The following C8orf34 variants were observed in gnomAD, a reference collection of about 807,000 sequenced individuals.
C8orf34 encodes the protein uncharacterized protein C8orf34.
C8orf34 carries 65 observed loss-of-function variants against 68.3 expected under a neutral mutation model. The observed-to-expected ratio is 0.95, with a 90% confidence interval of 0.78 to 1.17. The LOEUF (loss-of-function observed/expected upper bound fraction) is 1.17. C8orf34 is among the 50% of genes most tolerant of loss of function. C8orf34 has a pLI of 0.00. For missense variants in C8orf34, 664 were observed against 655.4 expected, an observed-to-expected ratio of 1.01 and a Z score of -0.14; for synonymous variants, 244 against 241.2, an observed-to-expected ratio of 1.01 and a Z score of -0.11.
At chr8:68,427,684 C>T (rs979176170) in intron 1 of C8orf34, among the ~76,000 whole-genome samples, 7 of 151,890 alleles carry the variant, frequency 4.6e-5, no homozygotes, top group South Asian at 2.1e-4. Context: ...CACACACACA[C>T]GAATGCATAT....
rs765846716 is a variant in C8orf34 at position 68,534,174 on chromosome 8, G to A, written c.1105+1025G>A. On this transcript the variant is annotated intron_variant, in intron 7 of 13. Transcript: ENST00000518698. Reference sequence around the variant, plus strand: ...CCTACAAAGGTGTTATTTGGTCAATGGTGACAGGTTTGAAAGATGTTTTCT... The same window carrying A: ...CCTACAAAGGTGTTATTTGGTCAATAGTGACAGGTTTGAAAGATGTTTTCT... 7.7e-4 allele frequency: 757 copies of A among 985,196 alleles called. 2 individuals carry two copies. Among genetic ancestry groups the A allele is most frequent in the Non-Finnish European group, 8.8e-4 (731 of 829,902 alleles). 61.0% of individuals were successfully genotyped at this position (985,196 alleles called of 1,614,324 possible).
chr8:68,425,561 T>A (rs1810172561), intron 1 of C8orf34, among the ~76,000 whole-genome samples: 3 of 152,142 alleles, frequency 2.0e-5, no homozygotes. Context: ...GTACCAGATC[T>A]TTACGATGAA....
intron 7 of C8orf34, among the ~76,000 whole-genome samples, chr8:68,556,883 C>CT (rs1260137864): frequency 6.6e-6 from 1 of 152,066 alleles, no homozygotes. Context: ...TATATACTCC[C>CT]TTTTTAAATT....
At chr8:68,543,427 G>A (rs1815764292) in intron 7 of C8orf34, among the ~76,000 whole-genome samples, 1 of 152,112 alleles carries the variant, frequency 6.6e-6, no homozygotes, top group South Asian at 2.1e-4. Flanking sequence ...TTAGTGATGT[G>A]CTTTCTAGAT....
At chr8:68,467,513 G>T (rs986174493) in intron 3 of C8orf34, among the ~76,000 whole-genome samples, 1 of 151,804 alleles carries the variant, frequency 6.6e-6, no homozygotes, top group South Asian at 2.1e-4. Flanking sequence ...TTGACTCATT[G>T]GTTTCTAGAC....
At chr8:68,527,502 G>A (rs1207449539) in intron 6 of C8orf34, among the ~76,000 whole-genome samples, 1 of 152,194 alleles carries the variant, frequency 6.6e-6, no homozygotes, top group Non-Finnish European at 1.5e-5. Context: ...AACCCGGGAG[G>A]TGGAGCTTGC....
At chr8:68,538,830 CT>C (rs1193918785) in intron 7 of C8orf34, among the ~76,000 whole-genome samples, 2 of 152,102 alleles carry the variant, frequency 1.3e-5, no homozygotes, top group Non-Finnish European at 2.9e-5. Context: ...AATTATTCTA[CT>C]GTCTTTCATT....
chr8:68,512,914 CT>C (rs58517612), intron 5 of C8orf34, among the ~76,000 whole-genome samples: 8,325 of 152,054 alleles, frequency 0.055, 247 homozygotes, highest in Middle Eastern at 0.12. Context: ...CAAGGTAAAA[CT>C]TGGTAAGTTG....
At chr8:68,486,560 G>A (rs1202433733) in intron 4 of C8orf34, among the ~76,000 whole-genome samples, 1 of 152,014 alleles carries the variant, frequency 6.6e-6, no homozygotes, top group Non-Finnish European at 1.5e-5. Context: ...ATCTACAAGG[G>A]GATCTACAAT....
chr8:68,488,582 T>C (rs1813176108), intron 5 of C8orf34, among the ~76,000 whole-genome samples: 1 of 152,084 alleles, frequency 6.6e-6, no homozygotes, highest in Non-Finnish European at 1.5e-5. Context: ...GCTAATGGAT[T>C]GGATGTGGGG....
chr8:68,523,038 C>G (rs931057857), intron 6 of C8orf34, among the ~76,000 whole-genome samples: 2 of 152,146 alleles, frequency 1.3e-5, no homozygotes, highest in African/African-American at 4.8e-5. Flanking sequence ...ATTCAGAATA[C>G]TCATTAATGT....
chr8:68,700,635 T>C (rs1820987311), intron 8 of C8orf34, among the ~76,000 whole-genome samples: 1 of 152,136 alleles, frequency 6.6e-6, no homozygotes, highest in Non-Finnish European at 1.5e-5. Context: ...CCTTGGTGTC[T>C]GGCTTCAGGA....
chr8:68,531,358 T>G (rs1815237567), intron 6 of C8orf34, among the ~76,000 whole-genome samples: 1 of 152,158 alleles, frequency 6.6e-6, no homozygotes, highest in African/African-American at 2.4e-5. Context: ...CTTTTTAGTC[T>G]TCTATAATCT....
chr8:68,358,228 G>T lies in C8orf34; in HGVS notation c.327+26889G>T, dbSNP rs555768480. On this transcript the variant is annotated intron_variant, in intron 1 of 13. Coordinates refer to ENST00000518698, the MANE Select transcript of C8orf34 (RefSeq NM_052958.4). ...CTTTCTTACTAAAAAGATTTGTTTGGCTCATTCTGGATTGCTTAGTGAGAA... is the reference window on the plus strand; with the variant it reads ...CTTTCTTACTAAAAAGATTTGTTTGTCTCATTCTGGATTGCTTAGTGAGAA... Among the ~76,000 whole-genome samples, 6 of 152,016 alleles carry T rather than the reference G, an allele frequency of 3.9e-5. No homozygotes were observed. The South Asian group carries it at 1.0e-3, about 26-fold the overall frequency.
At chr8:68,657,841 C>G (rs949642932) in intron 8 of C8orf34, among the ~76,000 whole-genome samples, 2 of 152,074 alleles carry the variant, frequency 1.3e-5, no homozygotes, top group African/African-American at 4.8e-5. Context: ...GAAGTTATTG[C>G]CAAGGTTAAG....
chr8:68,813,772 C>A (rs1375673777), intron 12 of C8orf34, among the ~76,000 whole-genome samples: 1 of 152,134 alleles, frequency 6.6e-6, no homozygotes, highest in Non-Finnish European at 1.5e-5. Flanking sequence ...AATCACTTTT[C>A]TTCATTCCTG....
intron 5 of C8orf34, among the ~76,000 whole-genome samples, chr8:68,511,282 A>T (rs1382383136): frequency 6.6e-6 from 1 of 152,128 alleles, no homozygotes; most frequent in Non-Finnish European, 1.5e-5. Flanking sequence ...CACCTGAACA[A>T]GGGAGGGGAA....
At chr8:68,715,752 T>C (rs972548402) in intron 9 of C8orf34, among the ~76,000 whole-genome samples, 7 of 151,938 alleles carry the variant, frequency 4.6e-5, no homozygotes, top group African/African-American at 1.2e-4. Flanking sequence ...TGGAAAACAG[T>C]GTGGAGATTC....
At chr8:68,774,067 AC>A (rs1388644080) in intron 10 of C8orf34, among the ~76,000 whole-genome samples, 4 of 152,086 alleles carry the variant, frequency 2.6e-5, no homozygotes, top group Non-Finnish European at 4.4e-5. Context: ...GCAGAGGCCA[AC>A]CAGGCAAGCC....
Sources: allele counts gnomAD v4.1 joint callset (sites outside exome capture counted in the v4.1 genomes callset), GRCh38; gene constraint gnomAD v4.1.1; transcripts MANE v1.5; gene names NCBI Gene and HGNC (gene_info 2026-07-23, HGNC 2026-07-21).